MSI2: variants seen among roughly 807,000 people sequenced by gnomAD.
MSI2 encodes the protein musashi RNA binding protein 2.
MSI2 carries 17 observed loss-of-function variants against 45.6 expected under a neutral mutation model. That is an observed-to-expected ratio of 0.37 (90% CI 0.26 to 0.56). MSI2 has a LOEUF of 0.56. Among genes scored for constraint, MSI2 ranks in the 20% least tolerant of loss-of-function variants. The probability of loss-of-function intolerance (pLI) is 0.77; values close to 1 mark genes in which losing one functional copy is unlikely to be tolerated. For synonymous variants in MSI2, 156 were observed against 158.2 expected (o/e 0.99, Z 0.11); for missense variants, 293 against 444.2 (o/e 0.66, Z 3.06).
intron 8 of MSI2, among the ~76,000 whole-genome samples, chr17:57,597,702 G>T (rs988345772): frequency 2.0e-5 from 3 of 152,178 alleles, no homozygotes; most frequent in Non-Finnish European, 2.9e-5. Flanking sequence ...AGAAGGGCGG[G>T]ATTTGACCTA....
chr17:57,475,509 G>C (rs1008752293), intron 6 of MSI2, among the ~76,000 whole-genome samples: 2 of 152,128 alleles, frequency 1.3e-5, no homozygotes, highest in Non-Finnish European at 1.5e-5. Flanking sequence ...CTGAGGGTCT[G>C]CATGCATTTC....
intron 5 of MSI2, among the ~76,000 whole-genome samples, chr17:57,386,891 C>T (rs1156500159): frequency 6.6e-6 from 1 of 152,208 alleles, no homozygotes; most frequent in African/African-American, 2.4e-5. Flanking sequence ...ATTTTTCTTT[C>T]TTGAGGGAAG....
chr17:57,368,245 G>T (rs981945518), intron 5 of MSI2, among the ~76,000 whole-genome samples: 1 of 152,142 alleles, frequency 6.6e-6, no homozygotes, highest in Admixed American at 6.5e-5. Context: ...GTGTATTTCT[G>T]TGTTTAAAAA....
At chr17:57,658,338 T>C (rs946710022) in intron 11 of MSI2, among the ~76,000 whole-genome samples, 2 of 152,242 alleles carry the variant, frequency 1.3e-5, no homozygotes, top group Non-Finnish European at 2.9e-5. Context: ...GGATCTTACC[T>C]GAACACACAT....
chr17:57,370,202 G>A (rs887698195), intron 5 of MSI2, among the ~76,000 whole-genome samples: 3 of 152,180 alleles, frequency 2.0e-5, no homozygotes, highest in African/African-American at 7.2e-5. Context: ...GTTCTTTCCT[G>A]CCCAGGCCTG....
rs1240890000 is a variant in MSI2 at position 57,407,912 on chromosome 17, C to A, written c.405+6441C>A. Among the ~76,000 whole-genome samples the A allele has an allele frequency of 6.6e-6, 1 of 152,236 alleles. No individual in the cohort carries two copies. The highest frequency in any genetic ancestry group is 1.5e-5 in the Non-Finnish European group (1 of 68,050). On this transcript the variant is annotated intron_variant, in intron 6 of 13. Transcript: ENST00000284073. The surrounding 1 kb of genome is among the most constrained non-coding windows in gnomAD (Gnocchi z 4.1). ...GGAGGGGACTTTATTTGCCCCCTGA[C>A]CCCTGGCCAAGCTGCTCAGTGGGAA...
intron 10 of MSI2, among the ~76,000 whole-genome samples, chr17:57,645,444 T>G (rs192840294): frequency 0.021 from 3,135 of 151,740 alleles, 67 homozygotes; most frequent in Middle Eastern, 0.027. Context: ...TTTTTTGGTT[T>G]TTTTTTTTTG....
At chr17:57,273,537 G>A (rs1043263059) in intron 5 of MSI2, among the ~76,000 whole-genome samples, 1 of 52,700 alleles carries the variant, frequency 1.9e-5, no homozygotes, top group Non-Finnish European at 3.1e-5. Flanking sequence ...GATGTGGGTG[G>A]GGGGGGGGAC....
At chr17:57,566,220 T>G (rs1234817788) in intron 7 of MSI2, among the ~76,000 whole-genome samples, 1 of 152,200 alleles carries the variant, frequency 6.6e-6, no homozygotes, top group Non-Finnish European at 1.5e-5. Context: ...AAGACCCATC[T>G]TAAACGTGGA....
chr17:57,384,184 T>C (rs574960844), intron 5 of MSI2, among the ~76,000 whole-genome samples: 1 of 152,356 alleles, frequency 6.6e-6, no homozygotes, highest in African/African-American at 2.4e-5. Context: ...ATTATGCTCA[T>C]GGAGTCTCAG....
intron 10 of MSI2, among the ~76,000 whole-genome samples, chr17:57,638,736 A>T (rs906568744): frequency 1.2e-4 from 6 of 51,490 alleles, no homozygotes; most frequent in South Asian, 9.7e-4. Flanking sequence ...CAAAATATTT[A>T]AAAAATATTT....
chr17:57,465,364 C>T (rs1244347707), intron 6 of MSI2, among the ~76,000 whole-genome samples: 1 of 152,004 alleles, frequency 6.6e-6, no homozygotes, highest in African/African-American at 2.4e-5. Flanking sequence ...CATCACATTG[C>T]AGACACCTCT....
rs188400382 is a variant in MSI2, at chr17:57,552,480, C to T, written c.454+22756C>T. Among the ~76,000 whole-genome samples, 10 of 152,280 alleles carry T rather than the reference C, an allele frequency of 6.6e-5. No individual in the cohort carries two copies. In the East Asian group the frequency reaches 7.7e-4, roughly 12 times the overall value. Reference sequence around the variant, plus strand: ...CTAGGCCTGAAGTAGCAGGGCCAGACGCTAGGTGTCGCCGTCCTGGACCTG... The same window carrying T: ...CTAGGCCTGAAGTAGCAGGGCCAGATGCTAGGTGTCGCCGTCCTGGACCTG... On this transcript the variant is annotated intron_variant, in intron 7 of 13. Coordinates refer to ENST00000284073, the MANE Select transcript of MSI2 (RefSeq NM_138962.4). The surrounding 1 kb of genome is among the most constrained non-coding windows in gnomAD (Gnocchi z 4.3).
chr17:57,297,130 C>T (rs1911033601), intron 5 of MSI2, among the ~76,000 whole-genome samples: 1 of 151,668 alleles, frequency 6.6e-6, no homozygotes, highest in South Asian at 2.1e-4. Flanking sequence ...GCCTTGGCCT[C>T]CCAAAGTGCT....
chr17:57,334,960 T>C (rs1266233053), intron 5 of MSI2, among the ~76,000 whole-genome samples: 1 of 151,874 alleles, frequency 6.6e-6, no homozygotes, highest in Non-Finnish European at 1.5e-5. Flanking sequence ...TTTTTTTTTT[T>C]AACCGTGCCC....
intron 5 of MSI2, among the ~76,000 whole-genome samples, chr17:57,342,823 ATAAC>A (rs1199445393): frequency 6.6e-6 from 1 of 152,348 alleles, no homozygotes; most frequent in East Asian, 1.9e-4. Flanking sequence ...ATCATTCTAA[ATAAC>A]AGCTGTTTTA....
intron 7 of MSI2, among the ~76,000 whole-genome samples, chr17:57,531,383 T>A (rs150823677): frequency 4.3e-4 from 65 of 152,318 alleles, no homozygotes; most frequent in Middle Eastern, 3.4e-3. Context: ...ATTATTAGCG[T>A]TATCATCACC....
At chr17:57,270,672 T>G (rs939475012) in intron 5 of MSI2, among the ~76,000 whole-genome samples, 15 of 152,204 alleles carry the variant, frequency 9.9e-5, no homozygotes, top group Non-Finnish European at 1.8e-4. Context: ...ATTGTAGAAT[T>G]GCTAAGGGTA....
chr17:57,567,671 G>A (rs2087769281), intron 7 of MSI2, among the ~76,000 whole-genome samples: 1 of 152,268 alleles, frequency 6.6e-6, no homozygotes, highest in African/African-American at 2.4e-5. Flanking sequence ...GAGTGGCCAG[G>A]CTCCTCTCAG....
Sources: allele counts gnomAD v4.1 joint callset (sites outside exome capture counted in the v4.1 genomes callset), GRCh38; gene constraint gnomAD v4.1.1; non-coding constraint Gnocchi (gnomAD v3.1); transcripts MANE v1.5; gene names NCBI Gene and HGNC (gene_info 2026-07-23, HGNC 2026-07-21).